MSR1: variants seen among roughly 807,000 people sequenced by gnomAD.
MSR1 encodes the protein macrophage scavenger receptor types I and II.
Under a neutral mutation model 47.2 loss-of-function variants are expected in MSR1, and 53 were observed. That is an observed-to-expected ratio of 1.12 (90% CI 0.90 to 1.41). The LOEUF is 1.41. MSR1 is among the 40% of genes most tolerant of loss of function. The pLI is 0.00. For missense variants in MSR1, 786 were observed against 546.9 expected, an observed-to-expected ratio of 1.44 and a Z score of -4.36; for synonymous variants, 239 against 185.6, an observed-to-expected ratio of 1.29 and a Z score of -2.34.
intron 1 of MSR1, among the ~76,000 whole-genome samples, chr8:16,192,137 G>C (rs77560467): frequency 0.013 from 2,004 of 152,070 alleles, 53 homozygotes; most frequent in African/African-American, 0.046. Context: ...GCATATAGTA[G>C]ATACCCAGCC....
At position 16,191,001 on chromosome 8, in the gene MSR1, G is replaced by A. The variant is rs1262155402; in HGVS notation, c.-5+1597C>T. On this transcript the variant is annotated intron_variant, in intron 1 of 9. Coordinates refer to ENST00000262101, the MANE Select transcript of MSR1 (RefSeq NM_138715.3). The stretch of plus-strand genomic sequence containing the variant: ...CTCCCAAAGTGCTGGGATTACAGGC[G>A]TGAGCCACCGTGCCCGGCCCATCAT... Among the ~76,000 whole-genome samples, 13 of 152,218 alleles carry A rather than the reference G, an allele frequency of 8.5e-5. No homozygotes were observed. In the East Asian group the frequency reaches 1.5e-3, roughly 18 times the overall value.
chr8:16,138,026 T>C (rs571099245), intron 8 of MSR1, among the ~76,000 whole-genome samples: 3 of 150,906 alleles, frequency 2.0e-5, no homozygotes, highest in Admixed American at 2.0e-4. Flanking sequence ...AAAAAAGCCC[T>C]TGCCTCACAG....
At chr8:16,136,186 C>A (rs1350540019) in intron 8 of MSR1, among the ~76,000 whole-genome samples, 2 of 152,080 alleles carry the variant, frequency 1.3e-5, no homozygotes, top group Admixed American at 1.3e-4. Flanking sequence ...CCATTGCATG[C>A]AGCAGAGAAA....
At chr8:16,171,019 T>A (rs1002713413) in intron 3 of MSR1, among the ~76,000 whole-genome samples, 2 of 151,766 alleles carry the variant, frequency 1.3e-5, no homozygotes, top group African/African-American at 4.8e-5. Context: ...AGGTCAGGAG[T>A]TCGAGACCAG....
chr8:16,153,306 C>G (rs1222329255), intron 6 of MSR1, among the ~76,000 whole-genome samples: 2 of 152,006 alleles, frequency 1.3e-5, no homozygotes, highest in East Asian at 1.9e-4. Context: ...GAGAAACGAA[C>G]AGAATGCAGC....
At chr8:16,189,232 A>C (rs983743177) in intron 1 of MSR1, among the ~76,000 whole-genome samples, 100 of 138,066 alleles carry the variant, frequency 7.2e-4, no homozygotes, top group Non-Finnish European at 4.3e-4. Flanking sequence ...GTAAAATCTT[A>C]TTTTATATAT....
rs768942318 is a variant in MSR1, at chr8:16,175,209, G to A, written c.195C>T (p.Ile65=). 8 of 1,613,852 alleles carry A rather than the reference G, an allele frequency of 5.0e-6. No homozygotes were observed. Among genetic ancestry groups the A allele is most frequent in the Non-Finnish European group, 6.8e-6 (8 of 1,179,920 alleles). Residue 65 remains isoleucine (I), a synonymous_variant, in exon 3 of 10, where the codon ATC becomes ATT. Transcript: ENST00000262101. ...TACCTGCCACTATTCCAATGAGAGG[G>A]ATGAGAACTGCAAACACGAGGAGGT... is the stretch of plus-strand genomic sequence containing the variant. ...ALYLLVFAVL[I]PLIGIVAAQL...
chr8:16,170,225 G>A (rs1801442163), intron 3 of MSR1, among the ~76,000 whole-genome samples: 1 of 152,016 alleles, frequency 6.6e-6, no homozygotes, highest in African/African-American at 2.4e-5. Flanking sequence ...GCGGGCGCCT[G>A]CAGGCCCATC....
intron 4 of MSR1, among the ~76,000 whole-genome samples, chr8:16,166,967 AC>A (rs1801331114): frequency 6.6e-6 from 1 of 151,502 alleles, no homozygotes; most frequent in Non-Finnish European, 1.5e-5. Flanking sequence ...ACACACACAC[AC>A]ATGCACGCAC....
intron 5 of MSR1, among the ~76,000 whole-genome samples, chr8:16,162,924 TATTG>T (rs1417689759): frequency 2.0e-5 from 3 of 151,948 alleles, no homozygotes; most frequent in African/African-American, 7.2e-5. Context: ...AGAAAAATAA[TATTG>T]ACTAAGTTCT....
At chr8:16,152,437 T>A (rs1270577058) in intron 6 of MSR1, among the ~76,000 whole-genome samples, 1 of 152,100 alleles carries the variant, frequency 6.6e-6, no homozygotes, top group Non-Finnish European at 1.5e-5. Flanking sequence ...TCTTCCAATA[T>A]CTATGGGTAA....
chr8:16,167,115 C>T (rs1446019080), intron 4 of MSR1, among the ~76,000 whole-genome samples: 3 of 152,138 alleles, frequency 2.0e-5, no homozygotes, highest in African/African-American at 4.8e-5. Context: ...TGTAATCTAT[C>T]GAAACTCAAA....
intron 3 of MSR1, among the ~76,000 whole-genome samples, chr8:16,172,192 T>A (rs374511831): frequency 1.3e-5 from 2 of 152,284 alleles, no homozygotes; most frequent in East Asian, 3.9e-4. Context: ...TTACTTTCAC[T>A]GGAAATAAGA....
At chr8:16,115,784 C>A (rs1015061424) in intron 9 of MSR1, among the ~76,000 whole-genome samples, 1 of 151,724 alleles carries the variant, frequency 6.6e-6, no homozygotes, top group African/African-American at 2.4e-5. Flanking sequence ...TTTAGATGAG[C>A]CTGAGCAACT....
intron 1 of MSR1, among the ~76,000 whole-genome samples, chr8:16,181,193 T>A (rs962659766): frequency 1.3e-5 from 2 of 152,156 alleles, no homozygotes; most frequent in African/African-American, 2.4e-5. Context: ...TAATTCATAA[T>A]CCTTTGGGAA....
At chr8:16,182,135 C>G (rs1445500832) in intron 1 of MSR1, among the ~76,000 whole-genome samples, 2 of 152,268 alleles carry the variant, frequency 1.3e-5, no homozygotes, top group East Asian at 3.9e-4. Flanking sequence ...TTATACTGTG[C>G]TGAATCCTGT....
intron 1 of MSR1, chr8:16,186,096 G>T (rs1585201064): frequency 7.6e-7 from 1 of 1,312,118 alleles, no homozygotes; most frequent in South Asian, 1.3e-5. Flanking sequence ...TGCAAGATTG[G>T]CAGTAATAAA....
At position 16,175,202 on chromosome 8, in the gene MSR1, T is replaced by C. The variant is rs1328011757; in HGVS notation, c.202A>G (p.Ile68Val). ...GTTACGTTACCTGCCACTATTCCAA[T>C]GAGAGGGATGAGAACTGCAAACACG... ...LLVFAVLIPL[I>V]GIVAAQLLKW... Residue 68 changes from isoleucine to valine, a missense_variant, in exon 3 of 10, where the codon ATT becomes GTT. By Grantham distance (29) the Ile-to-Val change is conservative. Transcript: ENST00000262101. The C allele has an allele frequency of 6.2e-7, 1 of 1,613,340 alleles. No individual in the cohort carries two copies. Among genetic ancestry groups the C allele is most frequent in the Non-Finnish European group, 8.5e-7 (1 of 1,179,540 alleles).
intron 1 of MSR1, among the ~76,000 whole-genome samples, chr8:16,191,687 C>T (rs1802204025): frequency 6.6e-6 from 1 of 152,142 alleles, no homozygotes; most frequent in African/African-American, 2.4e-5. Context: ...AGGCAGTCTA[C>T]TCCCAGAAGA....
Sources: allele counts gnomAD v4.1 joint callset (sites outside exome capture counted in the v4.1 genomes callset), GRCh38; gene constraint gnomAD v4.1.1; transcripts MANE v1.5; gene names NCBI Gene and HGNC (gene_info 2026-07-23, HGNC 2026-07-21).